Variants in IFT56 observed in about 807,000 individuals in gnomAD.
The protein encoded by IFT56 is intraflagellar transport protein 56.
At chr7:139,167,001 TGTAG>T in the IFT56 span, 4 of 652,866 alleles carry the variant, frequency 6.1e-6, no homozygotes, top group Non-Finnish European at 1.1e-5. Context: ...GACTCCTGCC[TGTAG>T]AATCCCAGGA....
At chr7:139,142,353 T>A in the IFT56 span, 2 of 1,522,216 alleles carry the variant, frequency 1.3e-6, no homozygotes, top group Non-Finnish European at 1.8e-6. Context: ...AATATTTTTA[T>A]TTTTCTTCCT....
the IFT56 span, among the ~76,000 whole-genome samples, chr7:139,136,326 C>G: frequency 6.6e-6 from 1 of 152,106 alleles, no homozygotes; most frequent in East Asian, 1.9e-4. Context: ...CATGGAAGAA[C>G]CTTCTAGTTC....
At chr7:139,170,350 C>G in the IFT56 span, among the ~76,000 whole-genome samples, 4 of 152,284 alleles carry the variant, frequency 2.6e-5, no homozygotes, top group Non-Finnish European at 5.9e-5. Context: ...AATATTTCCT[C>G]TCATTCTTCA....
chr7:139,174,220 G>A, the IFT56 span: 76 of 589,498 alleles, frequency 1.3e-4, 1 homozygote, highest in South Asian at 9.2e-4. Flanking sequence ...CAGATATTCT[G>A]GGATCTTTCT....
At chr7:139,168,581 A>G in the IFT56 span, 1 of 541,460 alleles carries the variant, frequency 1.8e-6, no homozygotes. Flanking sequence ...AAAAAAAAAA[A>G]CAAAAAAAAA....
chr7:139,183,849 C>A, the IFT56 span, among the ~76,000 whole-genome samples: 1 of 152,046 alleles, frequency 6.6e-6, no homozygotes, highest in African/African-American at 2.4e-5. Flanking sequence ...TTAATAGCAG[C>A]TTTATTTGTA....
chr7:139,180,554 A>T, the IFT56 span, among the ~76,000 whole-genome samples: 6 of 152,110 alleles, frequency 3.9e-5, no homozygotes, highest in South Asian at 1.2e-3. Flanking sequence ...TACTAAAAAT[A>T]CTAAAATTAG....
At chr7:139,187,586 G>T in the IFT56 span, 1 of 1,601,020 alleles carries the variant, frequency 6.2e-7, no homozygotes, top group African/African-American at 1.3e-5. Flanking sequence ...TTGCTTGTTT[G>T]TGAGGGAAAA....
chr7:139,178,553 T>A, the IFT56 span: 2 of 1,614,086 alleles, frequency 1.2e-6, no homozygotes. Context: ...ACTTTAATTA[T>A]GCCCAAGCCA....
At chr7:139,181,625 T>C in the IFT56 span, among the ~76,000 whole-genome samples, 1 of 152,164 alleles carries the variant, frequency 6.6e-6, no homozygotes, top group African/African-American at 2.4e-5. Context: ...GGTGATTTTG[T>C]CATTGTACAA....
the IFT56 span, among the ~76,000 whole-genome samples, chr7:139,180,939 C>T: frequency 6.6e-6 from 1 of 152,142 alleles, no homozygotes; most frequent in African/African-American, 2.4e-5. Flanking sequence ...GGCAGGGAGC[C>T]AGCTTAATGC....
At chr7:139,136,794 C>T in the IFT56 span, among the ~76,000 whole-genome samples, 8,317 of 152,216 alleles carry the variant, frequency 0.055, 313 homozygotes, top group Non-Finnish European at 0.083. Flanking sequence ...TCTTTGCTCA[C>T]ATTCTTAGGT....
the IFT56 span, among the ~76,000 whole-genome samples, chr7:139,146,811 G>A: frequency 1.3e-5 from 2 of 149,908 alleles, no homozygotes; most frequent in Non-Finnish European, 3.0e-5. Flanking sequence ...GATTAAAAAT[G>A]TTACCAGGTA....
the IFT56 span, among the ~76,000 whole-genome samples, chr7:139,167,822 T>A: frequency 2.0e-5 from 3 of 151,608 alleles, no homozygotes; most frequent in African/African-American, 7.3e-5. Flanking sequence ...GGGCCTGTAA[T>A]CCCAGCTACT....
the IFT56 span, among the ~76,000 whole-genome samples, chr7:139,149,149 C>CA: frequency 6.6e-6 from 1 of 151,752 alleles, no homozygotes; most frequent in Admixed American, 6.6e-5. Context: ...ACTAAAAACA[C>CA]AAAAAATTAG....
At chr7:139,187,528 G>A in the IFT56 span, 1 of 1,614,100 alleles carries the variant, frequency 6.2e-7, no homozygotes, top group East Asian at 2.2e-5. Flanking sequence ...TCATAGCTGG[G>A]AGAGAACCCA....
chr7:139,147,197 C>T, the IFT56 span: 9 of 1,613,626 alleles, frequency 5.6e-6, no homozygotes, highest in Non-Finnish European at 7.6e-6. Context: ...CAGGATGTCA[C>T]AGAAGATCAA....
the IFT56 span, chr7:139,137,773 G>T: frequency 7.9e-7 from 1 of 1,272,966 alleles, no homozygotes; most frequent in Non-Finnish European, 1.1e-6. Flanking sequence ...GTAACCCAAC[G>T]TAGCATTTTT....
the IFT56 span, among the ~76,000 whole-genome samples, chr7:139,145,789 T>C: frequency 6.6e-6 from 1 of 152,164 alleles, no homozygotes; most frequent in Admixed American, 6.5e-5. Flanking sequence ...TACTACAAGC[T>C]ACTCTAATAT....
Sources: gnomAD v4.1 joint callset for allele counts (sites outside exome capture counted in the v4.1 genomes callset) on GRCh38, gnomAD v4.1.1 for gene constraint, MANE v1.5 for transcripts, NCBI Gene and HGNC (gene_info 2026-07-23, HGNC 2026-07-21) for gene names.